RBCK1: variants seen among roughly 807,000 people sequenced by gnomAD.
RBCK1 encodes the protein ranBP-type and C3HC4-type zinc finger-containing protein 1.
A neutral mutation model predicts 71.1 loss-of-function variants in RBCK1; 44 were observed. The observed-to-expected ratio is 0.62, with a 90% CI of 0.49 to 0.80. The LOEUF (loss-of-function observed/expected upper bound fraction) is 0.80. Among genes scored for constraint, RBCK1 ranks in the 30% least tolerant of loss-of-function variants. The pLI is 0.00. For missense variants in RBCK1, 569 were observed against 685.0 expected, an observed-to-expected ratio of 0.83 and a Z score of 1.89; for synonymous variants, 306 against 279.7, an observed-to-expected ratio of 1.09 and a Z score of -0.94.
intron 9 of RBCK1, 55 bp downstream of exon 9, chr20:427,547 A>C: frequency 1.4e-4 from 213 of 1,577,192 alleles, no homozygotes; most frequent in Middle Eastern, 2.3e-4. Flanking sequence ...CCTGGAGCTC[A>C]CCACACTGCA....
intron 2 of RBCK1, among the ~76,000 whole-genome samples, chr20:414,574 A>AT (rs1432293346): frequency 3.3e-5 from 5 of 152,170 alleles, no homozygotes; most frequent in African/African-American, 4.8e-5. Context: ...CTCCAGCTGT[A>AT]TTTTTTTGTT....
intron 2 of RBCK1, among the ~76,000 whole-genome samples, chr20:412,816 A>G (rs1403491993): frequency 6.6e-6 from 1 of 152,094 alleles, no homozygotes; most frequent in East Asian, 1.9e-4. Context: ...TCTATGTTTT[A>G]TTTTGTTGTT....
rs1241101815 is a variant in RBCK1 at position 417,399 on chromosome 20, G to A, written c.168-127G>A. On this transcript the variant is annotated intron_variant, in intron 2 of 11. Coordinates refer to ENST00000356286, the MANE Select transcript of RBCK1 (RefSeq NM_031229.4). This position sits in a 1 kb window ranked among gnomAD's most constrained non-coding sequence, Gnocchi z 4.7. ...GGGCCTACCCCAGACTGGGGTTTGT[G>A]TGTGTGTGTGTGTGTGTGTGTGTGC... The A allele has an allele frequency of 1.3e-5, 7 of 553,584 alleles. No individual in the cohort carries two copies. The East Asian group carries it at 3.5e-4, about 28-fold the overall frequency. 34.3% of individuals were successfully genotyped at this position (553,584 alleles called of 1,614,324 possible). A position where few individuals can be genotyped will look rare whatever the true frequency, so the allele number is the denominator to read the frequency against.
chr20:420,140 C>T (rs374557483), intron 6 of RBCK1: 8 of 985,088 alleles, frequency 8.1e-6, no homozygotes, highest in Non-Finnish European at 9.6e-6. Flanking sequence ...TGCTCCACCT[C>T]GCCGTGACCT....
Position 419,654 on chromosome 20 carries a change from C to CCCG in RBCK1, c.682_684dup (p.Ala228dup). The CCCG allele has an allele frequency of 6.3e-7, 1 of 1,585,002 alleles. No individual in the cohort carries two copies. The highest frequency in any genetic ancestry group is 2.3e-5 in the East Asian group (1 of 43,442). On this transcript the variant is annotated inframe_insertion, in exon 6 of 12. Transcript: ENST00000356286. ...GGCGCGCCCCGAGGCCTACCAGGTCCCCGCCTCATACCAGCCCGACGAGGA... is the reference window on the plus strand; with the variant it reads ...GGCGCGCCCCGAGGCCTACCAGGTCCCCGCCGCCTCATACCAGCCCGACGAGGA...
In RBCK1 at chr20:431,477, CTT is replaced by C. The variant is rs2017013272; in HGVS notation, c.*1049_*1050del. ...GTCCTGGGATGTTCATTCTCTAAGT[CTT>C]TCCTCCGCTCTGTGACCCACCCTCC... On this transcript the variant is annotated 3_prime_UTR_variant, in exon 12 of 12. Transcript: ENST00000356286. The surrounding 1 kb of genome is among the most constrained non-coding windows in gnomAD (Gnocchi z 4.8). Among the ~76,000 whole-genome samples, 1 of 152,192 alleles carries C rather than the reference CTT, an allele frequency of 6.6e-6. No individual in the cohort carries two copies. Among genetic ancestry groups the C allele is most frequent in the South Asian group, 2.1e-4 (1 of 4,828 alleles).
At chr20:413,986 G>A (rs1176542031) in intron 2 of RBCK1, among the ~76,000 whole-genome samples, 1 of 149,934 alleles carries the variant, frequency 6.7e-6, no homozygotes, top group African/African-American at 2.5e-5. Flanking sequence ...TAAAAATCCA[G>A]AAGGGCTCTG....
At position 408,794 on chromosome 20, in the gene RBCK1, G is replaced by C. The variant is rs1214438338; in HGVS notation, c.22+15G>C. 1.2e-6 allele frequency: 2 copies of C among 1,608,608 alleles called. No individual in the cohort carries two copies. Among genetic ancestry groups the C allele is most frequent in the Non-Finnish European group, 1.7e-6 (2 of 1,177,898 alleles). ...GACCAAGAAAGGTGGGCACAGGCTG[G>C]AGGTGGCTGGGGAACTTCCGGTGGG... On this transcript the variant is annotated intron_variant, in intron 1 of 11. Coordinates refer to ENST00000356286, the MANE Select transcript of RBCK1 (RefSeq NM_031229.4).
chr20:423,916 C>T lies in RBCK1; in HGVS notation c.1029+1678C>T, dbSNP rs956938483. ...CTTCAATGTCTCACCCACCAGCAGGCTGCCCGGGCCTTCTCATGTCATGGT... is the reference window on the plus strand; with the variant it reads ...CTTCAATGTCTCACCCACCAGCAGGTTGCCCGGGCCTTCTCATGTCATGGT... On this transcript the variant is annotated intron_variant, in intron 8 of 11. Transcript: ENST00000356286. Among the ~76,000 whole-genome samples, 49 of 152,186 alleles carry T rather than the reference C, an allele frequency of 3.2e-4. 1 individual carries two copies. The highest frequency in any genetic ancestry group is 1.5e-5 in the Non-Finnish European group (1 of 68,030).
chr20:418,395 G>A (rs945975122), intron 4 of RBCK1, among the ~76,000 whole-genome samples: 5 of 151,710 alleles, frequency 3.3e-5, no homozygotes, highest in East Asian at 1.9e-4. Context: ...TTGAGACGGA[G>A]TCTCGCTCTG....
chr20:417,980 A>G lies in RBCK1; in HGVS notation c.460+50A>G, dbSNP rs1442275784. The G allele has an allele frequency of 6.5e-7, 1 of 1,550,322 alleles. No individual in the cohort carries two copies. The highest frequency in any genetic ancestry group is 1.8e-5 in the Admixed American group (1 of 55,222). Reference sequence around the variant, plus strand: ...CGGACCCAGCGGGGGCCCTGGACTCACTTGAGGGCATAGGGCAAGCAGGGG... The same window carrying G: ...CGGACCCAGCGGGGGCCCTGGACTCGCTTGAGGGCATAGGGCAAGCAGGGG... On this transcript the variant is annotated intron_variant, in intron 4 of 11. Transcript: ENST00000356286. The surrounding 1 kb of genome is among the most constrained non-coding windows in gnomAD (Gnocchi z 4.7).
Position 417,444 on chromosome 20 carries a change from C to T in RBCK1, c.168-82C>T. 8.3e-7 allele frequency: 1 copy of T among 1,205,582 alleles called. No individual in the cohort carries two copies. The highest frequency in any genetic ancestry group is 2.3e-5 in the East Asian group (1 of 42,738). The allele number at this position is 1,205,582 out of a possible 1,614,324, so 74.7% of individuals were successfully genotyped here. ...GTGTGCATGGCCATGTGCCTGTGTG[C>T]AAATATGTACATGTCTGTAGCCGGT... On this transcript the variant is annotated intron_variant, in intron 2 of 11. Coordinates refer to ENST00000356286, the MANE Select transcript of RBCK1 (RefSeq NM_031229.4). This position sits in a 1 kb window ranked among gnomAD's most constrained non-coding sequence, Gnocchi z 4.7.
At chr20:420,397 C>T (rs1314894173) in intron 6 of RBCK1, 1 of 984,770 alleles carries the variant, frequency 1.0e-6, no homozygotes, top group Non-Finnish European at 1.2e-6. Flanking sequence ...CCGGTGCTGC[C>T]CCTGGCCACC....
Position 417,925 on chromosome 20 carries a change from T to G in RBCK1, c.455T>G (p.Leu152Arg). ...CAGCGGGAGCGGCAGCTGCGGATGC[T>G]GGAAGGTGAGGCTCTGCCCTGAGCA... ...ELQRERQLRM[L>R]EDLGFKDLTL... The change falls in exon 4 of 12, where the codon CTG becomes CGG. Residue 152 changes from leucine (L) to arginine (R), a missense_variant. Coordinates refer to ENST00000356286, the MANE Select transcript of RBCK1 (RefSeq NM_031229.4). This position sits in a 1 kb window ranked among gnomAD's most constrained non-coding sequence, Gnocchi z 4.7. The G allele has an allele frequency of 1.2e-6, 2 of 1,605,846 alleles. No individual in the cohort carries two copies. Among genetic ancestry groups the G allele is most frequent in the Non-Finnish European group, 1.7e-6 (2 of 1,179,784 alleles).
rs2015598290 is a variant in RBCK1, at chr20:409,896, T to G, written c.38T>G (p.Leu13Arg). The change falls in exon 2 of 12, where the codon CTG (leucine) becomes CGG (arginine). Residue 13 changes from leucine to arginine, a missense_variant. Leu to Arg is a moderately radical substitution (Grantham distance 102, BLOSUM62 -2). This residue lies in a region of RBCK1 where 358 missense variants were observed against 375.6 expected (regional missense o/e 0.95). Transcript: ENST00000356286. Reference sequence around the variant, plus strand: ...TGGCTTTCAGCAGAGGAAATGGCCCTGAGCCTCACCCGAGCAGTGGCGGGC... The same window carrying G: ...TGGCTTTCAGCAGAGGAAATGGCCCGGAGCCTCACCCGAGCAGTGGCGGGC... ...EKTKKAEEMA[L>R]SLTRAVAGGD... 6 of 1,613,908 alleles carry G rather than the reference T, an allele frequency of 3.7e-6. No homozygotes were observed. The East Asian group carries it at 1.3e-4, about 36-fold the overall frequency.
At chr20:421,722 A>T (rs558797592) in intron 7 of RBCK1, among the ~76,000 whole-genome samples, 2 of 151,938 alleles carry the variant, frequency 1.3e-5, no homozygotes, top group East Asian at 3.9e-4. Flanking sequence ...AGAGGGATGA[A>T]GGGGGTAATC....
chr20:408,536 G>A lies in RBCK1; in HGVS notation c.-222G>A. The A allele has an allele frequency of 1.6e-6, 1 of 615,378 alleles. No homozygotes were observed. Among genetic ancestry groups the A allele is most frequent in the Non-Finnish European group, 2.9e-6 (1 of 346,544 alleles). 38.1% of individuals were successfully genotyped at this position (615,378 alleles called of 1,614,324 possible). The stretch of plus-strand genomic sequence containing the variant: ...GTGCGGACCTGTCTCGGCGCCCGCT[G>A]CCCTCTCACCGCCCCACGCAGGATC... On this transcript the variant is annotated 5_prime_UTR_variant, in exon 1 of 12. Coordinates refer to ENST00000356286, the MANE Select transcript of RBCK1 (RefSeq NM_031229.4).
At chr20:415,883 G>C (rs1184465784) in intron 2 of RBCK1, among the ~76,000 whole-genome samples, 1 of 152,120 alleles carries the variant, frequency 6.6e-6, no homozygotes, top group African/African-American at 2.4e-5. Flanking sequence ...AGAGAGAGTT[G>C]GTGGGGAGGT....
chr20:417,901 A>C lies in RBCK1; in HGVS notation c.431A>C (p.Gln144Pro). Residue 144 changes from glutamine to proline, a missense_variant, in exon 4 of 12, where the codon CAG becomes CCG. This residue lies in a region of RBCK1 where 358 missense variants were observed against 375.6 expected (regional missense o/e 0.95). Transcript: ENST00000356286. This position sits in a 1 kb window ranked among gnomAD's most constrained non-coding sequence, Gnocchi z 4.7. ...RNTSLNPQELQRERQLRMLED... is the reference protein window; with the variant it reads ...RNTSLNPQELPRERQLRMLED... ...ACCTCCCTCAACCCTCAGGAGCTGC[A>C]GCGGGAGCGGCAGCTGCGGATGCTG... 6.2e-7 allele frequency: 1 copy of C among 1,611,114 alleles called. No homozygotes were observed. The highest frequency in any genetic ancestry group is 8.5e-7 in the Non-Finnish European group (1 of 1,179,942).
Sources: allele counts gnomAD v4.1 joint callset (sites outside exome capture counted in the v4.1 genomes callset), GRCh38; gene constraint gnomAD v4.1.1; regional missense constraint gnomAD v4.1.1; non-coding constraint Gnocchi (gnomAD v3.1); transcripts MANE v1.5; gene names NCBI Gene and HGNC (gene_info 2026-07-23, HGNC 2026-07-21).